PLPP4: variants seen among roughly 807,000 people sequenced by gnomAD.
The protein encoded by PLPP4 is diacylglycerol pyrophosphate like 2.
PLPP4 carries 20 observed loss-of-function variants against 32.2 expected under a neutral mutation model. The observed-to-expected ratio is 0.62, with a 90% confidence interval of 0.44 to 0.90. The LOEUF (loss-of-function observed/expected upper bound fraction) is 0.90, where lower values mean the gene tolerates loss of function less well. PLPP4 is among the 40% of genes least tolerant of loss of function. The probability of loss-of-function intolerance (pLI) is 0.00; values close to 1 mark genes in which losing one functional copy is unlikely to be tolerated. For missense variants in PLPP4, 257 were observed against 353.1 expected (o/e 0.73, Z 2.18); for synonymous variants, 127 against 133.0 (o/e 0.95, Z 0.31).
chr10:120,575,487 T>TG (rs2134055915), intron 6 of PLPP4, among the ~76,000 whole-genome samples, 186 bp downstream of exon 6: 1 of 152,348 alleles, frequency 6.6e-6, no homozygotes, highest in Non-Finnish European at 1.5e-5. Flanking sequence ...CTGGCCTTCC[T>TG]GGGGAAAGAA....
At chr10:120,500,597 C>A (rs1429274991) in intron 1 of PLPP4, among the ~76,000 whole-genome samples, 3 of 142,426 alleles carry the variant, frequency 2.1e-5, no homozygotes, top group Non-Finnish European at 3.0e-5. Flanking sequence ...TTCTGGGATA[C>A]CTGCTGTGGG....
intron 2 of PLPP4, among the ~76,000 whole-genome samples, chr10:120,506,621 G>T (rs1845501719): frequency 6.6e-6 from 1 of 152,138 alleles, no homozygotes; most frequent in Non-Finnish European, 1.5e-5. Flanking sequence ...CATTGACTTG[G>T]ATTTTCTTTT....
chr10:120,578,954 T>G (rs1223863954), intron 6 of PLPP4, among the ~76,000 whole-genome samples: 1 of 152,216 alleles, frequency 6.6e-6, no homozygotes, highest in African/African-American at 2.4e-5. Context: ...GCGCTCAAAC[T>G]TGTGGAATCC....
chr10:120,558,942 A>G (rs1229571444), intron 5 of PLPP4, among the ~76,000 whole-genome samples: 1 of 152,210 alleles, frequency 6.6e-6, no homozygotes, highest in African/African-American at 2.4e-5. Context: ...TTAATAACTA[A>G]TGACAAACTG....
At chr10:120,565,783 C>T (rs1848667226) in intron 5 of PLPP4, among the ~76,000 whole-genome samples, 1 of 152,054 alleles carries the variant, frequency 6.6e-6, no homozygotes, top group Non-Finnish European at 1.5e-5. Context: ...CTATTACTTC[C>T]TCCTCTAATT....
At chr10:120,471,886 T>C (rs1459019004) in intron 1 of PLPP4, among the ~76,000 whole-genome samples, 1 of 152,034 alleles carries the variant, frequency 6.6e-6, no homozygotes, top group Non-Finnish European at 1.5e-5. Context: ...TTGTTAGCTA[T>C]ATCTCTTTAA....
chr10:120,557,144 C>T (rs1848199265), intron 5 of PLPP4, among the ~76,000 whole-genome samples: 1 of 152,108 alleles, frequency 6.6e-6, no homozygotes, highest in Non-Finnish European at 1.5e-5. Context: ...TAACAAATGG[C>T]CAGTCTCAGG....
At chr10:120,467,075 TGTGTAGG>T (rs1848358656) in intron 1 of PLPP4, among the ~76,000 whole-genome samples, 1 of 151,940 alleles carries the variant, frequency 6.6e-6, no homozygotes, top group Non-Finnish European at 1.5e-5. Context: ...TATATAAGTA[TGTGTAGG>T]TTTGTTTTTT....
intron 5 of PLPP4, among the ~76,000 whole-genome samples, chr10:120,551,180 A>G (rs747181291): frequency 6.6e-6 from 1 of 152,170 alleles, no homozygotes; most frequent in Non-Finnish European, 1.5e-5. Context: ...TACAAATTAA[A>G]ATCACTTCAT....
chr10:120,518,043 G>C (rs934597633), intron 3 of PLPP4, among the ~76,000 whole-genome samples: 1 of 152,196 alleles, frequency 6.6e-6, no homozygotes, highest in Non-Finnish European at 1.5e-5. Context: ...TGATGGTGAT[G>C]ACTCTGCCTT....
chr10:120,491,019 A>G (rs1304852577), intron 1 of PLPP4, among the ~76,000 whole-genome samples: 1 of 152,070 alleles, frequency 6.6e-6, no homozygotes, highest in Non-Finnish European at 1.5e-5. Flanking sequence ...TATGTCCTAG[A>G]GTCTTGCTGT....
At chr10:120,563,064 C>A (rs1428586750) in intron 5 of PLPP4, among the ~76,000 whole-genome samples, 1 of 152,006 alleles carries the variant, frequency 6.6e-6, no homozygotes, top group Non-Finnish European at 1.5e-5. Context: ...AATGGAGAAA[C>A]CCCACTTCTA....
At chr10:120,574,711 A>G (rs916906854) in intron 5 of PLPP4, among the ~76,000 whole-genome samples, 1 of 152,086 alleles carries the variant, frequency 6.6e-6, no homozygotes, top group Non-Finnish European at 1.5e-5. Context: ...TTTGCTCTGT[A>G]TGTACTTGTT....
At chr10:120,498,894 A>G (rs1169115984) in intron 1 of PLPP4, among the ~76,000 whole-genome samples, 1 of 152,074 alleles carries the variant, frequency 6.6e-6, no homozygotes, top group Non-Finnish European at 1.5e-5. Context: ...TCCTTGCCTC[A>G]TGTGATCCAC....
At chr10:120,579,631 C>T (rs1181802380) in intron 6 of PLPP4, among the ~76,000 whole-genome samples, 1 of 152,244 alleles carries the variant, frequency 6.6e-6, no homozygotes, top group African/African-American at 2.4e-5. Context: ...TGGAGAAACC[C>T]TTTTTTCAAA....
intron 3 of PLPP4, among the ~76,000 whole-genome samples, chr10:120,515,093 G>A (rs561317999): frequency 2.0e-5 from 3 of 152,124 alleles, no homozygotes; most frequent in African/African-American, 4.8e-5. Context: ...TATATAACCA[G>A]GCTCCTGTTA....
rs557725223 is a variant in PLPP4 at position 120,474,563 on chromosome 10, A to G, written c.56+17202A>G. Among the ~76,000 whole-genome samples, 299 of 152,314 alleles carry G rather than the reference A, an allele frequency of 2.0e-3. 2 individuals are homozygous for G. Among genetic ancestry groups the G allele is most frequent in the African/African-American group, 6.9e-3 (287 of 41,584 alleles). On this transcript the variant is annotated intron_variant, in intron 1 of 6. Transcript: ENST00000398250. ...TGTTTTCATTCATTCTTGTGGACCAATAAAAAATCTTCAGTCATATAATGA... is the reference window on the plus strand; with the variant it reads ...TGTTTTCATTCATTCTTGTGGACCAGTAAAAAATCTTCAGTCATATAATGA...
intron 5 of PLPP4, among the ~76,000 whole-genome samples, chr10:120,534,003 G>A (rs538064872): frequency 4.1e-4 from 63 of 152,260 alleles, no homozygotes; most frequent in African/African-American, 1.3e-3. Context: ...TAAGAAAGGA[G>A]AAGAAAGATG....
chr10:120,487,640 A>C (rs1017655084), intron 1 of PLPP4, among the ~76,000 whole-genome samples: 4 of 152,212 alleles, frequency 2.6e-5, no homozygotes, highest in African/African-American at 9.6e-5. Context: ...AATGTATGTT[A>C]AGTGTATAAT....
Sources: allele counts gnomAD v4.1 joint callset (sites outside exome capture counted in the v4.1 genomes callset), GRCh38; gene constraint gnomAD v4.1.1; transcripts MANE v1.5; gene names NCBI Gene and HGNC (gene_info 2026-07-23, HGNC 2026-07-21).